Variants in ZNF654 observed in about 807,000 individuals in gnomAD.
The protein encoded by ZNF654 is melanoma-associated antigen.
Under a neutral mutation model 95.3 loss-of-function variants are expected in ZNF654, and 19 were observed. The ratio of observed to expected loss-of-function variants is 0.20; its 90% CI spans 0.14 to 0.29. ZNF654 has a LOEUF of 0.29. Ranked by LOEUF, ZNF654 falls within the 10% of genes least tolerant of loss-of-function variation. The pLI is 1.00. For synonymous variants in ZNF654, 413 were observed against 457.9 expected (o/e 0.90, Z 1.25); for missense variants, 1,046 against 1,341.0 (o/e 0.78, Z 3.44).
intron 2 of ZNF654, among the ~76,000 whole-genome samples, chr3:88,086,999 G>A (rs925869170): frequency 6.6e-6 from 1 of 152,150 alleles, no homozygotes. Context: ...AGCCAGGATG[G>A]TCTTGATCTC....
At chr3:88,111,082 G>A (rs1201451439) in intron 2 of ZNF654, among the ~76,000 whole-genome samples, 1 of 151,976 alleles carries the variant, frequency 6.6e-6, no homozygotes, top group Non-Finnish European at 1.5e-5. Context: ...AATAACTGCT[G>A]TGTTGAACAT....
chr3:88,072,271 C>A (rs1316173898), intron 1 of ZNF654, among the ~76,000 whole-genome samples: 2 of 152,118 alleles, frequency 1.3e-5, no homozygotes, highest in African/African-American at 4.8e-5. Flanking sequence ...TATTTTATTT[C>A]CCTGTTGCCA....
intron 3 of ZNF654, among the ~76,000 whole-genome samples, chr3:88,125,525 G>A (rs937645244): frequency 6.6e-6 from 1 of 152,014 alleles, no homozygotes; most frequent in Non-Finnish European, 1.5e-5. Flanking sequence ...CAAAGTAGAG[G>A]TTGGATTTAC....
chr3:88,078,269 C>G (rs764111298), intron 1 of ZNF654, among the ~76,000 whole-genome samples: 54 of 151,874 alleles, frequency 3.6e-4, no homozygotes, highest in Non-Finnish European at 6.0e-4. Context: ...GGGGGTAGAC[C>G]CTCTGCTTTG....
chr3:88,069,456 A>G (rs1707385443), intron 1 of ZNF654, among the ~76,000 whole-genome samples: 1 of 152,032 alleles, frequency 6.6e-6, no homozygotes, highest in South Asian at 2.1e-4. Context: ...CTCTTAGTCC[A>G]CCCCCCAACC....
intron 6 of ZNF654, among the ~76,000 whole-genome samples, chr3:88,131,334 GTAT>G (rs879392807): frequency 9.9e-5 from 15 of 152,254 alleles, no homozygotes; most frequent in Middle Eastern, 3.4e-3. Flanking sequence ...AGTTTTTGAA[GTAT>G]TATCATTTTT....
chr3:88,125,272 C>CCAAAAAG (rs1706031225), intron 3 of ZNF654, among the ~76,000 whole-genome samples: 2 of 150,848 alleles, frequency 1.3e-5, no homozygotes, highest in Non-Finnish European at 3.0e-5. Context: ...ATGTAATGAG[C>CCAAAAAG]CAAAAAGCAT....
At chr3:88,095,456 C>T (rs1224193587) in intron 2 of ZNF654, 9 of 373,224 alleles carry the variant, frequency 2.4e-5, no homozygotes, top group Admixed American at 1.5e-4. Context: ...CCTCAAGGTA[C>T]GCATGCAACA....
In ZNF654 at chr3:88,113,104, A is replaced by T. The variant is rs777131339; in HGVS notation, c.333-11A>T. The T allele has an allele frequency of 2.0e-6, 3 of 1,517,226 alleles. No homozygotes were observed. Among genetic ancestry groups the T allele is most frequent in the East Asian group, 2.5e-5 (1 of 40,616 alleles). The allele number at this position is 1,517,226 out of a possible 1,614,324, so 94.0% of individuals were successfully genotyped here. On this transcript the variant is annotated splice_polypyrimidine_tract_variant and intron_variant, in intron 2 of 8. Transcript: ENST00000636215. ...AAGAAGCAATGAAAGTTATTCACTT[A>T]TTCTTTCTAGGAGTTTCTTTGAGTT... is the stretch of plus-strand genomic sequence containing the variant.
At chr3:88,104,872 C>T (rs1704638033) in intron 2 of ZNF654, among the ~76,000 whole-genome samples, 1 of 152,254 alleles carries the variant, frequency 6.6e-6, no homozygotes, top group African/African-American at 2.4e-5. Flanking sequence ...GGCACAGTGG[C>T]TTACGCCTGT....
At chr3:88,116,801 C>T (rs1044415857) in intron 3 of ZNF654, among the ~76,000 whole-genome samples, 1 of 152,094 alleles carries the variant, frequency 6.6e-6, no homozygotes, top group African/African-American at 2.4e-5. Flanking sequence ...AGGCCATGAT[C>T]TACTAAATTA....
rs766892285 is a variant in ZNF654, at chr3:88,140,109, G to A, written c.2440G>A (p.Val814Met). The A allele has an allele frequency of 1.9e-6, 3 of 1,613,868 alleles. No individual in the cohort carries two copies. Among genetic ancestry groups the A allele is most frequent in the Non-Finnish European group, 1.7e-6 (2 of 1,179,806 alleles). The change falls in exon 8 of 9, where the codon GTG (valine) becomes ATG (methionine). Residue 814 changes from valine (V) to methionine (M), a missense_variant. By Grantham distance (21) the Val-to-Met change is conservative. Transcript: ENST00000636215. ...CCTTAATAGACATAGCTATCCAAATGTGTATTTTTGTTTGCATTTTAATTG... is the reference window on the plus strand; with the variant it reads ...CCTTAATAGACATAGCTATCCAAATATGTATTTTTGTTTGCATTTTAATTG... ...DHLNRHSYPN[V>M]YFCLHFNCNE...
At chr3:88,073,897 T>C (rs1707650822) in intron 1 of ZNF654, among the ~76,000 whole-genome samples, 1 of 152,240 alleles carries the variant, frequency 6.6e-6, no homozygotes, top group Non-Finnish European at 1.5e-5. Context: ...TAATTTATTT[T>C]CTCCTTTTAG....
At chr3:88,136,863 C>A (rs1706816442) in intron 7 of ZNF654, among the ~76,000 whole-genome samples, 1 of 152,082 alleles carries the variant, frequency 6.6e-6, no homozygotes, top group South Asian at 2.1e-4. Flanking sequence ...CATTTTTAAA[C>A]TTGAGCATCT....
chr3:88,076,740 A>G (rs574587343), intron 1 of ZNF654, among the ~76,000 whole-genome samples: 98 of 152,320 alleles, frequency 6.4e-4, no homozygotes, highest in Non-Finnish European at 1.0e-3. Context: ...TTTATGACGG[A>G]AGCATTTAAT....
intron 1 of ZNF654, among the ~76,000 whole-genome samples, chr3:88,079,613 T>A (rs1440377819): frequency 6.6e-6 from 1 of 152,028 alleles, no homozygotes; most frequent in Non-Finnish European, 1.5e-5. Context: ...GTTAACTCTC[T>A]GGGAGTGATA....
intron 1 of ZNF654, among the ~76,000 whole-genome samples, chr3:88,070,440 T>A (rs570212546): frequency 2.9e-4 from 44 of 152,136 alleles, no homozygotes; most frequent in East Asian, 5.8e-4. Context: ...TTTTTTTTTT[T>A]AATCAGATTC....
chr3:88,120,225 T>TG (rs1434395120), intron 3 of ZNF654, among the ~76,000 whole-genome samples: 14 of 152,216 alleles, frequency 9.2e-5, no homozygotes, highest in Non-Finnish European at 1.9e-4. Context: ...AGAAGCAGAA[T>TG]GAGGGCCTAA....
At chr3:88,084,838 G>A (rs1169551421) in intron 1 of ZNF654, among the ~76,000 whole-genome samples, 1 of 152,182 alleles carries the variant, frequency 6.6e-6, no homozygotes, top group Non-Finnish European at 1.5e-5. Flanking sequence ...TGACATGGTA[G>A]CCCAAGTGGA....
Sources: gnomAD v4.1 joint callset for allele counts (sites outside exome capture counted in the v4.1 genomes callset) on GRCh38, gnomAD v4.1.1 for gene constraint, MANE v1.5 for transcripts, NCBI Gene and HGNC (gene_info 2026-07-23, HGNC 2026-07-21) for gene names.